The following ULK4 variants were observed in gnomAD, a reference collection of about 807,000 sequenced individuals.
ULK4 encodes unc-51 like kinase 4.
Under a neutral mutation model 160.6 loss-of-function variants are expected in ULK4, and 133 were observed. The observed-to-expected ratio is 0.83, with a 90% CI of 0.72 to 0.96. The LOEUF is 0.96. Among genes scored for constraint, ULK4 ranks in the 40% least tolerant of loss-of-function variants. The pLI is 0.00. For synonymous variants in ULK4, 534 were observed against 539.8 expected, an observed-to-expected ratio of 0.99 and a Z score of 0.15; for missense variants, 1,580 against 1,499.5, an observed-to-expected ratio of 1.05 and a Z score of -0.89.
At chr3:41,726,531 G>C (rs1211236908) in intron 22 of ULK4, among the ~76,000 whole-genome samples, 2 of 152,036 alleles carry the variant, frequency 1.3e-5, no homozygotes, top group East Asian at 3.9e-4. Flanking sequence ...GTTCTACAAG[G>C]GTATATCAAG....
rs1196297838 is a variant in ULK4, at chr3:41,800,209, T to C, written c.1933A>G (p.Thr645Ala). ...CACAAAATGGGTCCTATTTCTCCTG[T>C]AATAAAGCCCTGGGACTGAGCAGAA... is the stretch of plus-strand genomic sequence containing the variant. ...TFSAQSQGFI[T>A]GEIGPILWYL... The change falls in exon 20 of 37, where the codon ACA (threonine) becomes GCA (alanine). Residue 645 changes from threonine to alanine, a missense_variant. Coordinates refer to ENST00000301831, the MANE Select transcript of ULK4 (RefSeq NM_017886.4). The C allele has an allele frequency of 6.2e-7, 1 of 1,613,854 alleles. No homozygotes were observed.
chr3:41,764,545 A>G lies in ULK4; in HGVS notation c.2194-10057T>C, dbSNP rs544633887. Reference sequence around the variant, plus strand: ...GGATTGTTCAAGACTATCCTGGGCAACAGAGCAAGACCCTGTCTCTACAAA... The same window carrying G: ...GGATTGTTCAAGACTATCCTGGGCAGCAGAGCAAGACCCTGTCTCTACAAA... On this transcript the variant is annotated intron_variant, in intron 21 of 36. Coordinates refer to ENST00000301831, the MANE Select transcript of ULK4 (RefSeq NM_017886.4). Among the ~76,000 whole-genome samples the G allele has an allele frequency of 3.3e-5, 5 of 152,340 alleles. No individual in the cohort carries two copies. In the Middle Eastern group the frequency reaches 0.017, roughly 518 times the overall value.
At chr3:41,538,011 T>C (rs1435334139) in intron 32 of ULK4, among the ~76,000 whole-genome samples, 3 of 152,070 alleles carry the variant, frequency 2.0e-5, no homozygotes, top group South Asian at 2.1e-4. Context: ...ATTTTCTTAA[T>C]GGTGCCTGGG....
At chr3:41,629,012 C>T (rs755510592) in intron 30 of ULK4, among the ~76,000 whole-genome samples, 6 of 152,090 alleles carry the variant, frequency 3.9e-5, no homozygotes, top group Non-Finnish European at 8.8e-5. Flanking sequence ...TTTCTATGTG[C>T]CTATATTCTG....
chr3:41,506,773 T>TATAA (rs2085400744), intron 32 of ULK4, among the ~76,000 whole-genome samples: 1 of 20,110 alleles, frequency 5.0e-5, no homozygotes, highest in Non-Finnish European at 1.1e-4. Flanking sequence ...TTAAAATATA[T>TATAA]ATATATATAT....
At chr3:41,922,959 G>A (rs938582196) in intron 5 of ULK4, among the ~76,000 whole-genome samples, 14 of 152,002 alleles carry the variant, frequency 9.2e-5, no homozygotes, top group Non-Finnish European at 4.4e-5. Flanking sequence ...ATCACCCAAG[G>A]TCAGGAGTTC....
At chr3:41,458,052 C>A (rs541909648) in intron 33 of ULK4, among the ~76,000 whole-genome samples, 1 of 152,036 alleles carries the variant, frequency 6.6e-6, no homozygotes, top group African/African-American at 2.4e-5. Context: ...TTCTGGTTTG[C>A]GTGGCAGGGT....
At position 41,717,763 on chromosome 3, in the gene ULK4, A is replaced by G; in HGVS notation, c.2420T>C (p.Ile807Thr). The G allele has an allele frequency of 6.2e-7, 1 of 1,614,138 alleles. No homozygotes were observed. Among genetic ancestry groups the G allele is most frequent in the Non-Finnish European group, 8.5e-7 (1 of 1,179,996 alleles). ...TGGCAGCTCCTGCACAATGTGACAG[A>G]TGAGAAGATCCAGGCATTTGGACAG... Reference protein sequence around the residue: ...EYLSKCLDLLICHIVQELPRI... With the variant: ...EYLSKCLDLLTCHIVQELPRI... Residue 807 changes from isoleucine (I) to threonine (T), a missense_variant, in exon 23 of 37, where the codon ATC becomes ACC. Coordinates refer to ENST00000301831, the MANE Select transcript of ULK4 (RefSeq NM_017886.4).
intron 30 of ULK4, among the ~76,000 whole-genome samples, chr3:41,621,862 T>G (rs1180450716): frequency 6.6e-6 from 1 of 152,054 alleles, no homozygotes; most frequent in Non-Finnish European, 1.5e-5. Flanking sequence ...GCAATTTTTC[T>G]GTGTGACATA....
At chr3:41,485,299 A>G (rs1221235572) in intron 32 of ULK4, among the ~76,000 whole-genome samples, 1 of 152,228 alleles carries the variant, frequency 6.6e-6, no homozygotes, top group Non-Finnish European at 1.5e-5. Context: ...CAAACAAACA[A>G]AAAACCAACA....
chr3:41,911,453 A>C, intron 10 of ULK4, 67 bp from the exon 11 acceptor site: 1 of 1,593,058 alleles, frequency 6.3e-7, no homozygotes, highest in Non-Finnish European at 8.6e-7. Flanking sequence ...CATAACGTAC[A>C]CAAAGATTTA....
chr3:41,542,909 A>C (rs1415180156), intron 32 of ULK4, among the ~76,000 whole-genome samples: 6 of 152,142 alleles, frequency 3.9e-5, no homozygotes, highest in Non-Finnish European at 8.8e-5. Context: ...TCTTTTCAGC[A>C]TGCAAAGAGG....
At chr3:41,365,466 T>C (rs1366147321) in intron 35 of ULK4, among the ~76,000 whole-genome samples, 1 of 152,136 alleles carries the variant, frequency 6.6e-6, no homozygotes, top group Non-Finnish European at 1.5e-5. Context: ...AGCCAGAAAA[T>C]TAATATAACA....
intron 30 of ULK4, among the ~76,000 whole-genome samples, chr3:41,662,159 A>G (rs2125760103): frequency 6.6e-6 from 1 of 152,344 alleles, no homozygotes; most frequent in South Asian, 2.1e-4. Flanking sequence ...TTCTTCAGGA[A>G]TGGAGAACAA....
chr3:41,907,059 T>G (rs1220429955), intron 12 of ULK4, among the ~76,000 whole-genome samples: 1 of 152,142 alleles, frequency 6.6e-6, no homozygotes, highest in Non-Finnish European at 1.5e-5. Flanking sequence ...AGACCACATA[T>G]TGTATGATTC....
intron 30 of ULK4, among the ~76,000 whole-genome samples, chr3:41,641,782 C>A (rs2034208594): frequency 1.3e-5 from 2 of 150,782 alleles, no homozygotes; most frequent in Admixed American, 1.3e-4. Context: ...ATATTTTTCC[C>A]AATTACCCAA....
intron 19 of ULK4, among the ~76,000 whole-genome samples, chr3:41,818,888 G>T (rs1202708495): frequency 2.0e-5 from 3 of 152,224 alleles, no homozygotes; most frequent in Non-Finnish European, 4.4e-5. Flanking sequence ...GAGCTGGTTG[G>T]TTGGCCAGCT....
chr3:41,331,172 G>A (rs2080435599), intron 35 of ULK4, among the ~76,000 whole-genome samples: 1 of 152,100 alleles, frequency 6.6e-6, no homozygotes, highest in Non-Finnish European at 1.5e-5. Flanking sequence ...ATTCATTAGG[G>A]TTCAAGATCT....
intron 31 of ULK4, among the ~76,000 whole-genome samples, chr3:41,597,756 TAAGG>T (rs1322836829): frequency 2.6e-5 from 4 of 152,206 alleles, no homozygotes; most frequent in Non-Finnish European, 5.9e-5. Flanking sequence ...GGATAATTCT[TAAGG>T]AAGACAAAAA....
Sources: gnomAD v4.1 joint callset for allele counts (sites outside exome capture counted in the v4.1 genomes callset) on GRCh38, gnomAD v4.1.1 for gene constraint, MANE v1.5 for transcripts, NCBI Gene and HGNC (gene_info 2026-07-23, HGNC 2026-07-21) for gene names.